DLG2: variants seen among roughly 807,000 people sequenced by gnomAD.
The protein encoded by DLG2 is disks large homolog 2.
In DLG2, 45 loss-of-function variants were observed where a neutral mutation model predicts 132.5. The observed-to-expected ratio is 0.34, with a 90% CI of 0.27 to 0.44. The LOEUF (loss-of-function observed/expected upper bound fraction) is 0.44. Among genes scored for constraint, DLG2 ranks in the 20% least tolerant of loss-of-function variants. The probability of loss-of-function intolerance (pLI) is 1.00; values close to 1 mark genes in which losing one functional copy is unlikely to be tolerated. For synonymous variants in DLG2, 424 were observed against 419.6 expected (o/e 1.01, Z -0.13); for missense variants, 1,045 against 1,196.9 (o/e 0.87, Z 1.87).
At chr11:84,090,129 G>T (rs936248899) in intron 10 of DLG2, among the ~76,000 whole-genome samples, 1 of 152,000 alleles carries the variant, frequency 6.6e-6, no homozygotes, top group Non-Finnish European at 1.5e-5. Flanking sequence ...GATAGGTAAC[G>T]CTGGCCAGGC....
At chr11:85,040,651 T>G (rs2061784004) in intron 6 of DLG2, among the ~76,000 whole-genome samples, 1 of 151,968 alleles carries the variant, frequency 6.6e-6, no homozygotes, top group Non-Finnish European at 1.5e-5. Context: ...CCATCAATCT[T>G]GTAACTGATA....
chr11:83,882,266 A>AT (rs1291937685), intron 15 of DLG2, among the ~76,000 whole-genome samples: 3 of 152,216 alleles, frequency 2.0e-5, no homozygotes, highest in Non-Finnish European at 2.9e-5. Context: ...ACCCTCACAT[A>AT]TAAAAAAAAG....
intron 6 of DLG2, among the ~76,000 whole-genome samples, chr11:84,823,682 C>A (rs993501608): frequency 4.6e-5 from 7 of 151,172 alleles, no homozygotes; most frequent in Non-Finnish European, 1.0e-4. Context: ...TATATCATCA[C>A]TCAACATAAA....
chr11:85,411,613 T>C (rs2089316947), intron 3 of DLG2, among the ~76,000 whole-genome samples: 1 of 151,886 alleles, frequency 6.6e-6, no homozygotes, highest in Admixed American at 6.6e-5. Context: ...TGTCATTCAG[T>C]CATATGCATA....
intron 10 of DLG2, among the ~76,000 whole-genome samples, chr11:84,074,254 A>T (rs954835678): frequency 1.3e-5 from 2 of 152,188 alleles, no homozygotes; most frequent in Admixed American, 6.5e-5. Flanking sequence ...ACACCATCAT[A>T]CATTCAGTTT....
chr11:83,890,668 T>C (rs1415373022), intron 15 of DLG2, among the ~76,000 whole-genome samples: 2 of 152,134 alleles, frequency 1.3e-5, no homozygotes, highest in Non-Finnish European at 2.9e-5. Context: ...CACAGTTTGC[T>C]CTGATGGGGA....
chr11:84,659,020 C>T (rs974271749), intron 6 of DLG2, among the ~76,000 whole-genome samples: 13 of 152,136 alleles, frequency 8.5e-5, no homozygotes, highest in African/African-American at 3.1e-4. Context: ...TCCAAGCTCC[C>T]ATAACTGTGA....
chr11:83,723,648 A>AGTTTGAG (rs1212127618), intron 18 of DLG2, among the ~76,000 whole-genome samples: 1 of 152,142 alleles, frequency 6.6e-6, no homozygotes, highest in Non-Finnish European at 1.5e-5. Context: ...CGAGGTCAGG[A>AGTTTGAG]GTTTGAGACC....
intron 12 of DLG2, among the ~76,000 whole-genome samples, chr11:83,967,899 T>C (rs1592028129): frequency 2.0e-5 from 3 of 152,294 alleles, no homozygotes; most frequent in Middle Eastern, 3.4e-3. Context: ...TTTTTGCATA[T>C]GGCATTAGAG....
chr11:85,503,176 T>G (rs146780631), intron 3 of DLG2, among the ~76,000 whole-genome samples: 5 of 152,258 alleles, frequency 3.3e-5, no homozygotes, highest in African/African-American at 1.2e-4. Flanking sequence ...TTACACTGTA[T>G]AGTAATTACA....
chr11:85,245,860 G>A (rs1357261668), intron 4 of DLG2, among the ~76,000 whole-genome samples: 2 of 151,840 alleles, frequency 1.3e-5, no homozygotes, highest in Non-Finnish European at 1.5e-5. Flanking sequence ...GGCACATTTT[G>A]TTGGACTTTT....
chr11:84,847,634 A>C (rs887952316), intron 6 of DLG2, among the ~76,000 whole-genome samples: 1 of 152,178 alleles, frequency 6.6e-6, no homozygotes, highest in Non-Finnish European at 1.5e-5. Context: ...AAACGGCTTT[A>C]GCTCAAGAAA....
intron 18 of DLG2, among the ~76,000 whole-genome samples, chr11:83,773,566 T>A (rs1566912366): frequency 6.6e-6 from 1 of 152,232 alleles, no homozygotes; most frequent in Non-Finnish European, 1.5e-5. Context: ...AGTGTCAGAA[T>A]CATTCTTGGA....
chr11:84,864,250 C>T (rs1305528255), intron 6 of DLG2, among the ~76,000 whole-genome samples: 1 of 152,144 alleles, frequency 6.6e-6, no homozygotes, highest in African/African-American at 2.4e-5. Flanking sequence ...TATTTCCCTT[C>T]TGACCAGGCA....
chr11:84,940,095 C>A (rs567050083), intron 6 of DLG2, among the ~76,000 whole-genome samples: 3 of 152,272 alleles, frequency 2.0e-5, no homozygotes, highest in African/African-American at 7.2e-5. Flanking sequence ...TCATTATTGC[C>A]TAGTTTTTGG....
intron 2 of DLG2, among the ~76,000 whole-genome samples, chr11:85,618,601 C>T (rs995279108): frequency 9.2e-5 from 14 of 152,232 alleles, no homozygotes; most frequent in Admixed American, 2.6e-4. Flanking sequence ...ATAGACACTA[C>T]GCAAGGGACT....
chr11:85,343,249 A>T (rs1346747592), intron 3 of DLG2, among the ~76,000 whole-genome samples: 1 of 152,062 alleles, frequency 6.6e-6, no homozygotes, highest in South Asian at 2.1e-4. Context: ...ATTTTTTCCC[A>T]GGAGACAGCC....
At chr11:83,882,865 G>T (rs1368990562) in intron 15 of DLG2, among the ~76,000 whole-genome samples, 3 of 152,154 alleles carry the variant, frequency 2.0e-5, no homozygotes, top group Non-Finnish European at 4.4e-5. Flanking sequence ...GGAGAATTTG[G>T]AGTCTTCTTA....
intron 15 of DLG2, among the ~76,000 whole-genome samples, chr11:83,882,530 C>A (rs998361794): frequency 3.3e-5 from 5 of 152,192 alleles, no homozygotes; most frequent in African/African-American, 1.2e-4. Flanking sequence ...TAAATGGCTT[C>A]ACTCAACAGT....
Sources: gnomAD v4.1 joint callset for allele counts (sites outside exome capture counted in the v4.1 genomes callset) on GRCh38, gnomAD v4.1.1 for gene constraint, MANE v1.5 for transcripts, NCBI Gene and HGNC (gene_info 2026-07-23, HGNC 2026-07-21) for gene names.